The following BLTP1 variants were observed in gnomAD, a reference collection of about 807,000 sequenced individuals.
BLTP1 encodes the protein bridge-like lipid transfer protein family member 1, also known as fragile site-associated protein.
At chr4:122,277,121 G>A in the BLTP1 span, 1 of 959,914 alleles carries the variant, frequency 1.0e-6, no homozygotes, top group Non-Finnish European at 1.2e-6. Flanking sequence ...AGGATTGCTT[G>A]AGGCCAGGAG....
At chr4:122,210,977 G>A in the BLTP1 span, 14 of 1,612,278 alleles carry the variant, frequency 8.7e-6, no homozygotes, top group Middle Eastern at 6.6e-4. Context: ...ACTTCTTCAC[G>A]CCCACCTATT....
chr4:122,209,902 A>G, the BLTP1 span: 1 of 1,613,510 alleles, frequency 6.2e-7, no homozygotes, highest in Non-Finnish European at 8.5e-7. Context: ...CACAAAAAGC[A>G]GATGAACAGC....
chr4:122,175,443 C>A, the BLTP1 span, among the ~76,000 whole-genome samples: 1 of 152,224 alleles, frequency 6.6e-6, no homozygotes, highest in Non-Finnish European at 1.5e-5. Context: ...CTTATTGTTA[C>A]ATAATTTTTT....
chr4:122,331,179 G>A, the BLTP1 span: 1 of 1,386,050 alleles, frequency 7.2e-7, no homozygotes, highest in South Asian at 1.5e-5. Flanking sequence ...GCTGAATAAA[G>A]TGTGGCTCCA....
the BLTP1 span, among the ~76,000 whole-genome samples, chr4:122,235,881 T>A: frequency 6.6e-6 from 1 of 152,228 alleles, no homozygotes; most frequent in Non-Finnish European, 1.5e-5. Flanking sequence ...GAAGAGTGGC[T>A]TTAAGTGTAT....
chr4:122,306,595 AT>A, the BLTP1 span: 1 of 983,136 alleles, frequency 1.0e-6, no homozygotes, highest in East Asian at 1.1e-4. Context: ...AGATAAGGAA[AT>A]GAAATTTACT....
chr4:122,210,006 G>A, the BLTP1 span: 1 of 1,510,900 alleles, frequency 6.6e-7, no homozygotes, highest in African/African-American at 1.4e-5. Flanking sequence ...CAAATAAATT[G>A]AAATGCATCT....
the BLTP1 span, chr4:122,344,860 G>A: frequency 1.0e-6 from 1 of 984,574 alleles, no homozygotes; most frequent in Non-Finnish European, 1.2e-6. Context: ...GTTTCTTTTT[G>A]TTCTTCTAAT....
At chr4:122,169,717 A>G in the BLTP1 span, 5 of 983,352 alleles carry the variant, frequency 5.1e-6, no homozygotes, top group Non-Finnish European at 6.0e-6. Flanking sequence ...ATGCACACAT[A>G]TGTGTATGCA....
chr4:122,285,558 T>C, the BLTP1 span, among the ~76,000 whole-genome samples: 1 of 152,154 alleles, frequency 6.6e-6, no homozygotes, highest in African/African-American at 2.4e-5. Flanking sequence ...GCTAACTCAT[T>C]CTAGGTGCAA....
At chr4:122,166,715 G>C in the BLTP1 span, among the ~76,000 whole-genome samples, 1 of 152,164 alleles carries the variant, frequency 6.6e-6, no homozygotes, top group African/African-American at 2.4e-5. Flanking sequence ...AGCATGGAAT[G>C]TTCTTCCATT....
the BLTP1 span, chr4:122,194,710 CTG>C: frequency 1.2e-6 from 1 of 838,620 alleles, no homozygotes. Context: ...TCTTCTTAAA[CTG>C]TATTTAATTT....
the BLTP1 span, chr4:122,273,113 G>T: frequency 2.3e-5 from 14 of 610,158 alleles, no homozygotes; most frequent in Non-Finnish European, 2.5e-5. Context: ...TTTTTTTTCT[G>T]GTTGTGAAAA....
the BLTP1 span, among the ~76,000 whole-genome samples, chr4:122,195,934 T>C: frequency 6.6e-6 from 1 of 152,120 alleles, no homozygotes; most frequent in Non-Finnish European, 1.5e-5. Context: ...GCACCTTCTT[T>C]GAATGTATGA....
the BLTP1 span, among the ~76,000 whole-genome samples, chr4:122,202,358 T>G: frequency 6.6e-6 from 1 of 152,162 alleles, no homozygotes; most frequent in Non-Finnish European, 1.5e-5. Flanking sequence ...CTAAGCAGTT[T>G]GCACATATTA....
the BLTP1 span, chr4:122,302,320 C>T: frequency 1.3e-3 from 1,078 of 856,736 alleles, 14 homozygotes; most frequent in African/African-American, 0.017. Context: ...TATTGCACTT[C>T]GCTTTATTGT....
At chr4:122,155,214 A>G in the BLTP1 span, among the ~76,000 whole-genome samples, 12 of 152,228 alleles carry the variant, frequency 7.9e-5, no homozygotes, top group East Asian at 2.3e-3. Flanking sequence ...AAGAGACTAG[A>G]AAGTGAGCAT....
At chr4:122,247,726 TAGAA>T in the BLTP1 span, 5,070 of 1,018,794 alleles carry the variant, frequency 5.0e-3, 12 homozygotes, top group Admixed American at 6.1e-3. Context: ...AAAACAGTGT[TAGAA>T]AGAATTAATT....
At chr4:122,255,069 C>A in the BLTP1 span, 1 of 1,529,720 alleles carries the variant, frequency 6.5e-7, no homozygotes. Flanking sequence ...TACTGAATGT[C>A]TTTTATTTGT....
Sources: gnomAD v4.1 joint callset for allele counts (sites outside exome capture counted in the v4.1 genomes callset) on GRCh38, gnomAD v4.1.1 for gene constraint, MANE v1.5 for transcripts, NCBI Gene and HGNC (gene_info 2026-07-23, HGNC 2026-07-21) for gene names.